The following ZNF473 variants were observed in gnomAD, a reference collection of about 807,000 sequenced individuals.
ZNF473 encodes zinc finger protein 473.
Under a neutral mutation model 11.1 loss-of-function variants are expected in ZNF473, and 4 were observed. The ratio of observed to expected loss-of-function variants is 0.36; its 90% CI spans 0.18 to 0.82. ZNF473 has a LOEUF of 0.82. Among genes scored for constraint, ZNF473 ranks in the 40% least tolerant of loss-of-function variants. The pLI, the probability that ZNF473 is intolerant of heterozygous loss-of-function variation, is 0.49. For synonymous variants in ZNF473, 404 were observed against 390.4 expected (o/e 1.03, Z -0.41); for missense variants, 854 against 1,084.0 (o/e 0.79, Z 2.98).
rs34005330 is a variant in ZNF473 at position 50,036,480 on chromosome 19, A to ATTTT, written c.10-2667_10-2664dup. ...AGGTGCCCGCCACCATGCCCAGCTA[A>ATTTT]TTTTTTTTTTTTTTTTTGCATTTTT... On this transcript the variant is annotated intron_variant, in intron 2 of 4. Coordinates refer to ENST00000270617, the MANE Select transcript of ZNF473 (RefSeq NM_015428.4). Among the ~76,000 whole-genome samples, 173 of 131,542 alleles carry ATTTT rather than the reference A, an allele frequency of 1.3e-3. 2 individuals carry two copies. The highest frequency in any genetic ancestry group is 4.9e-3 in the African/African-American group (169 of 34,506). 86.3% of individuals were successfully genotyped at this position (131,542 alleles called of 152,430 possible). A position where few individuals can be genotyped will look rare whatever the true frequency, so the allele number is the denominator to read the frequency against.
chr19:50,041,793 G>T lies in ZNF473; in HGVS notation c.200G>T (p.Gly67Val). 3 of 1,612,846 alleles carry T rather than the reference G, an allele frequency of 1.9e-6. No homozygotes were observed. The South Asian group carries it at 3.3e-5, about 18-fold the overall frequency. Residue 67 changes from glycine (G) to valine (V), a missense_variant, in exon 4 of 5, where the codon GGA becomes GTA. By Grantham distance (109) the Gly-to-Val change is moderately radical (BLOSUM62 -3). Transcript: ENST00000270617. ...AGTGAAGATCTGGAGCCTCTGGCAG[G>T]AGGAAGCCCAGAAGCAACAAGCCCT... ...DGSEDLEPLA[G>V]GSPEATSPDV...
At chr19:50,035,089 C>G (rs139688054) in intron 2 of ZNF473, among the ~76,000 whole-genome samples, 15 of 152,172 alleles carry the variant, frequency 9.9e-5, no homozygotes, top group African/African-American at 3.6e-4. Context: ...CTCAGGAGTT[C>G]AAGATCAGCC....
Position 50,046,258 on chromosome 19 carries a change from G to C in ZNF473, c.1815G>C (p.Arg605=), listed in dbSNP as rs1979114405. 1 of 1,613,900 alleles carries C rather than the reference G, an allele frequency of 6.2e-7. No individual in the cohort carries two copies. Among genetic ancestry groups the C allele is most frequent in the African/African-American group, 1.3e-5 (1 of 74,854 alleles). Reference sequence around the variant, plus strand: ...GGAAAGCCTTTGGCCAAAGTACTCGGCTCATTCACCATCAAAGAATCCACT... The same window carrying C: ...GGAAAGCCTTTGGCCAAAGTACTCGCCTCATTCACCATCAAAGAATCCACT... ...QCGKAFGQST[R]LIHHQRIHSR... The change falls in exon 5 of 5, where the codon CGG becomes CGC. Residue 605 remains arginine (R), a synonymous_variant. Coordinates refer to ENST00000270617, the MANE Select transcript of ZNF473 (RefSeq NM_015428.4). This position sits in a 1 kb window ranked among gnomAD's most constrained non-coding sequence, Gnocchi z 5.9.
chr19:50,036,430 C>T (rs1978444079), intron 2 of ZNF473, among the ~76,000 whole-genome samples: 1 of 150,524 alleles, frequency 6.6e-6, no homozygotes, highest in South Asian at 2.1e-4. Flanking sequence ...TCTCCTGCCT[C>T]AGCCTCCCGA....
intron 2 of ZNF473, among the ~76,000 whole-genome samples, chr19:50,034,574 C>G: frequency 6.6e-6 from 1 of 152,080 alleles, no homozygotes; most frequent in East Asian, 1.9e-4. Context: ...AATAAGTAAC[C>G]TGATTTTTAT....
At chr19:50,032,205 G>A (rs1001078502) in intron 2 of ZNF473, among the ~76,000 whole-genome samples, 3 of 150,274 alleles carry the variant, frequency 2.0e-5, no homozygotes, top group Non-Finnish European at 4.4e-5. Context: ...CTTGTCCAGC[G>A]CAGTCTGGGA....
rs938105362 is a variant in ZNF473 at position 50,044,812 on chromosome 19, T to G, written c.369T>G (p.Asp123Glu). 1 of 1,614,110 alleles carries G rather than the reference T, an allele frequency of 6.2e-7. No homozygotes were observed. Among genetic ancestry groups the G allele is most frequent in the African/African-American group, 1.3e-5 (1 of 74,936 alleles). The change falls in exon 5 of 5, where the codon GAT becomes GAG. Residue 123 changes from aspartate (D) to glutamate (E), a missense_variant. This residue lies in a region of ZNF473 where 668 missense variants were observed against 790.2 expected (regional missense o/e 0.85). Coordinates refer to ENST00000270617, the MANE Select transcript of ZNF473 (RefSeq NM_015428.4). ...GEACIEDTWL[D>E]SLLGDPESLL... ...CCTGTATAGAGGACACCTGGTTAGA[T>G]AGTTTGCTAGGCGATCCAGAAAGTC...
At chr19:50,038,283 G>A (rs1468761308) in intron 2 of ZNF473, among the ~76,000 whole-genome samples, 1 of 150,384 alleles carries the variant, frequency 6.6e-6, no homozygotes, top group Admixed American at 6.6e-5. Flanking sequence ...TTATTAACTA[G>A]GAAAGTCTTA....
intron 1 of ZNF473, among the ~76,000 whole-genome samples, chr19:50,028,984 A>AT (rs1437743288): frequency 6.6e-6 from 1 of 152,200 alleles, no homozygotes; most frequent in Non-Finnish European, 1.5e-5. Context: ...TTTTTCATAA[A>AT]TTTAGTGTCC....
At chr19:50,032,959 G>A (rs1225907343) in intron 2 of ZNF473, among the ~76,000 whole-genome samples, 4 of 152,090 alleles carry the variant, frequency 2.6e-5, no homozygotes, top group African/African-American at 7.2e-5. Context: ...AACTTCAGTC[G>A]TTTTGGATTA....
At position 50,045,707 on chromosome 19, in the gene ZNF473, CAG is replaced by C. The variant is rs1568411405; in HGVS notation, c.1267_1268del (p.Arg423GlyfsTer12). 2 of 1,614,086 alleles carry C rather than the reference CAG, an allele frequency of 1.2e-6. No homozygotes were observed. Among genetic ancestry groups the C allele is most frequent in the Non-Finnish European group, 8.5e-7 (1 of 1,180,024 alleles). On this transcript the variant is annotated frameshift_variant, in exon 5 of 5. Transcript: ENST00000270617. LOFTEE classifies it low-confidence loss of function (END_TRUNC). Reference sequence around the variant, plus strand: ...GCATAACTCTACCCTAAAGATCCATCAGAGGGTTCACAGTGGAGAGAAGCCTT... The same window carrying C: ...GCATAACTCTACCCTAAAGATCCATCAGGGTTCACAGTGGAGAGAAGCCTT... ...FRHNSTLKIH[Q>X]RVHSGEKPYK...
intron 3 of ZNF473, chr19:50,041,311 C>T (rs559118717): frequency 1.9e-5 from 3 of 156,142 alleles, no homozygotes; most frequent in Admixed American, 6.5e-5. Context: ...GAGGGTATGG[C>T]TCAGGACTGC....
chr19:50,047,413 A>C lies in ZNF473; in HGVS notation c.*354A>C. ...GCTTTTCTGAGGATTAAATAAATAA[A>C]TGTGAAGCACTTAGAACTGATGGCC... On this transcript the variant is annotated 3_prime_UTR_variant, in exon 5 of 5. Transcript: ENST00000270617. 8.4e-6 allele frequency: 2 copies of C among 237,354 alleles called. No homozygotes were observed. The highest frequency in any genetic ancestry group is 1.7e-5 in the Non-Finnish European group (2 of 118,926). 14.7% of individuals were successfully genotyped at this position (237,354 alleles called of 1,614,324 possible). A position where few individuals can be genotyped will look rare whatever the true frequency, so the allele number is the denominator to read the frequency against.
chr19:50,041,709 A>T, intron 3 of ZNF473, 21 bp from the exon 4 acceptor site: 1 of 1,587,648 alleles, frequency 6.3e-7, no homozygotes, highest in Non-Finnish European at 8.6e-7. Flanking sequence ...GTTGGGTGAC[A>T]ATGCTTTTCT....
intron 1 of ZNF473, among the ~76,000 whole-genome samples, chr19:50,026,350 A>G (rs1459445754): frequency 2.0e-5 from 3 of 152,018 alleles, no homozygotes; most frequent in African/African-American, 7.3e-5. Flanking sequence ...GGGGGGGATC[A>G]CTTACAGCCA....
rs200551527 is a variant in ZNF473, at chr19:50,044,802, C to T, written c.359C>T (p.Thr120Ile). 3 of 1,614,192 alleles carry T rather than the reference C, an allele frequency of 1.9e-6. No homozygotes were observed. Among genetic ancestry groups the T allele is most frequent in the East Asian group, 2.2e-5 (1 of 44,886 alleles). The change falls in exon 5 of 5, where the codon ACC (threonine) becomes ATC (isoleucine). Residue 120 changes from threonine (T) to isoleucine (I), a missense_variant. This residue lies in a region of ZNF473 where 668 missense variants were observed against 790.2 expected (regional missense o/e 0.85). Transcript: ENST00000270617. The stretch of plus-strand genomic sequence containing the variant: ...TTCGGAGAAGCCTGTATAGAGGACA[C>T]CTGGTTAGATAGTTTGCTAGGCGAT... ...SNFGEACIEDTWLDSLLGDPE... is the reference protein window; with the variant it reads ...SNFGEACIEDIWLDSLLGDPE...
At chr19:50,037,218 C>T (rs1600755635) in intron 2 of ZNF473, among the ~76,000 whole-genome samples, 1 of 152,246 alleles carries the variant, frequency 6.6e-6, no homozygotes, top group Non-Finnish European at 1.5e-5. Context: ...TCAGTTGCTT[C>T]TTGTAGCAGC....
At chr19:50,042,920 A>T (rs1436485792) in intron 4 of ZNF473, 1 of 152,222 alleles carries the variant, frequency 6.6e-6, no homozygotes, top group Non-Finnish European at 1.5e-5. Context: ...TCAGAACAAG[A>T]TGTGGTTTCA....
intron 2 of ZNF473, among the ~76,000 whole-genome samples, chr19:50,038,885 T>TA (rs1978616871): frequency 6.6e-6 from 1 of 152,186 alleles, no homozygotes; most frequent in African/African-American, 2.4e-5. Context: ...AGCAAAAGCG[T>TA]AAAATAGATT....
Sources: gnomAD v4.1 joint callset for allele counts (sites outside exome capture counted in the v4.1 genomes callset) on GRCh38, gnomAD v4.1.1 for gene constraint, gnomAD v4.1.1 regional missense constraint, Gnocchi (gnomAD v3.1) non-coding constraint, MANE v1.5 for transcripts, NCBI Gene and HGNC (gene_info 2026-07-23, HGNC 2026-07-21) for gene names.